The following MACC1 variants were observed in gnomAD, a reference collection of about 807,000 sequenced individuals.
The protein encoded by MACC1 is MET transcriptional regulator MACC1, also known as metastasis-associated in colon cancer protein 1.
In MACC1, 79 loss-of-function variants were observed where a neutral mutation model predicts 70.7. The ratio of observed to expected loss-of-function variants is 1.12; its 90% CI spans 0.93 to 1.35. The LOEUF (loss-of-function observed/expected upper bound fraction) is 1.35, where lower values mean the gene tolerates loss of function less well. Among genes scored for constraint, MACC1 ranks in the 40% most tolerant of loss-of-function variants. The pLI is 0.00. For synonymous variants in MACC1, 361 were observed against 347.2 expected (o/e 1.04, Z -0.44); for missense variants, 1,106 against 978.1 (o/e 1.13, Z -1.74).
chr7:20,185,952 C>T (rs897542290), intron 1 of MACC1, among the ~76,000 whole-genome samples: 2 of 152,186 alleles, frequency 1.3e-5, no homozygotes, highest in African/African-American at 4.8e-5. Context: ...AAGATTCTTG[C>T]CCCAGGGTCC....
At position 20,139,905 on chromosome 7, in the gene MACC1, C is replaced by T. The variant is rs946284423; in HGVS notation, c.*1041G>A. 3 of 151,702 alleles carry T rather than the reference C, an allele frequency of 2.0e-5. No individual in the cohort carries two copies. The highest frequency in any genetic ancestry group is 2.1e-4 in the South Asian group (1 of 4,806). 9.4% of individuals were successfully genotyped at this position (151,702 alleles called of 1,614,324 possible). On this transcript the variant is annotated 3_prime_UTR_variant, in exon 7 of 7. Transcript: ENST00000400331. The stretch of plus-strand genomic sequence containing the variant: ...GCCAACATAAAGATATCAGTGTTTT[C>T]GGTGGTTAAGACCTCTCTACTCAAC...
chr7:20,159,990 T>G lies in MACC1; in HGVS notation c.371A>C (p.Gln124Pro), dbSNP rs1441303166. The stretch of plus-strand genomic sequence containing the variant: ...TCTTGAGGAAGTCTGCCTAAGTAAC[T>G]GATGCACATCAAGTTCATCACCGGA... Reference protein sequence around the residue: ...DSSGDELDVHQLLRQTSSRNS... With the variant: ...DSSGDELDVHPLLRQTSSRNS... Residue 124 changes from glutamine to proline, a missense_variant, in exon 5 of 7, where the codon CAG (glutamine) becomes CCG (proline). Gln to Pro is a moderately conservative substitution (Grantham distance 76). Coordinates refer to ENST00000400331, the MANE Select transcript of MACC1 (RefSeq NM_182762.4). 2 of 1,614,068 alleles carry G rather than the reference T, an allele frequency of 1.2e-6. No homozygotes were observed. Among genetic ancestry groups the G allele is most frequent in the South Asian group, 1.1e-5 (1 of 91,068 alleles).
At chr7:20,176,637 C>T (rs986222172) in intron 1 of MACC1, among the ~76,000 whole-genome samples, 1 of 152,074 alleles carries the variant, frequency 6.6e-6, no homozygotes, top group Non-Finnish European at 1.5e-5. Context: ...TTGTTTATAG[C>T]AGCTTAGTAT....
intron 5 of MACC1, among the ~76,000 whole-genome samples, chr7:20,157,424 G>T (rs1039487803): frequency 1.4e-4 from 22 of 151,774 alleles, no homozygotes; most frequent in African/African-American, 5.1e-4. Flanking sequence ...TAATATTATT[G>T]TTTAGGCTGT....
At position 20,154,323 on chromosome 7, in the gene MACC1, A is replaced by G. The variant is rs1396522139; in HGVS notation, c.2216T>C (p.Val739Ala). 1.2e-6 allele frequency: 2 copies of G among 1,613,964 alleles called. No homozygotes were observed. Among genetic ancestry groups the G allele is most frequent in the Non-Finnish European group, 1.7e-6 (2 of 1,179,932 alleles). Residue 739 changes from valine (V) to alanine (A), a missense_variant, in exon 6 of 7, where the codon GTT becomes GCT. Transcript: ENST00000400331. ...TCCAAGCTTGACAGCTGAAGTCAGA[A>G]CAGCAGCTTCTTGGATGAGACGTGC... ...LVARLIQEAA[V>A]LTSAVKLGKG... is the part of the protein sequence containing the mutation.
rs528583275 is a variant in MACC1 at position 20,147,265 on chromosome 7, A to T, written c.2347-6107T>A. On this transcript the variant is annotated intron_variant, in intron 6 of 6. Transcript: ENST00000400331. Reference sequence around the variant, plus strand: ...GCACTAGAAAATGAAATGCCACATGAGTAGAAGAAATTCAGATTTCAGCAT... The same window carrying T: ...GCACTAGAAAATGAAATGCCACATGTGTAGAAGAAATTCAGATTTCAGCAT... Among the ~76,000 whole-genome samples the T allele has an allele frequency of 5.3e-5, 8 of 152,356 alleles. No homozygotes were observed. In the South Asian group the frequency reaches 6.2e-4, roughly 12 times the overall value.
At chr7:20,196,503 T>C (rs897422751) in intron 1 of MACC1, among the ~76,000 whole-genome samples, 2 of 152,108 alleles carry the variant, frequency 1.3e-5, no homozygotes, top group Non-Finnish European at 2.9e-5. Flanking sequence ...ATTGACTATA[T>C]ACTTTTGTAA....
intron 1 of MACC1, among the ~76,000 whole-genome samples, chr7:20,182,995 C>T (rs975743855): frequency 6.6e-6 from 1 of 152,056 alleles, no homozygotes; most frequent in African/African-American, 2.4e-5. Context: ...AGTGGGGTAG[C>T]CTGAATTCTA....
chr7:20,149,284 A>G (rs1006672306), intron 6 of MACC1, among the ~76,000 whole-genome samples: 16 of 152,168 alleles, frequency 1.1e-4, no homozygotes, highest in Non-Finnish European at 2.4e-4. Context: ...CTAAAAAAAC[A>G]GTGTATTTTA....
rs199756051 is a variant in MACC1, at chr7:20,159,077, G to C, written c.1284C>G (p.Asp428Glu). ...TAGAAATACTTAAATCTTGTGGCTT[G>C]TCAAGTAAAAATGACTGCTTCCCCC... ...QLWGKQSFLL[D>E]KPQDLSISIF... The change falls in exon 5 of 7, where the codon GAC becomes GAG. Residue 428 changes from aspartate to glutamate, a missense_variant. By Grantham distance (45) the Asp-to-Glu change is conservative. Transcript: ENST00000400331. 1 of 1,572,624 alleles carries C rather than the reference G, an allele frequency of 6.4e-7. No individual in the cohort carries two copies. Among genetic ancestry groups the C allele is most frequent in the Non-Finnish European group, 8.6e-7 (1 of 1,163,650 alleles).
intron 1 of MACC1, among the ~76,000 whole-genome samples, chr7:20,187,758 A>T (rs1782611006): frequency 2.0e-5 from 3 of 152,050 alleles, no homozygotes; most frequent in Admixed American, 6.6e-5. Context: ...ATGCAACTTT[A>T]TGTTTCTGGT....
rs758236188 is a variant in MACC1, at chr7:20,159,956, T to C, written c.405A>G (p.Gly135=). ...GAAGTTCTGAAACACTTTTAGATCTTCCAGAATTTCTTGAGGAAGTCTGCC... is the reference window on the plus strand; with the variant it reads ...GAAGTTCTGAAACACTTTTAGATCTCCCAGAATTTCTTGAGGAAGTCTGCC... ...LLRQTSSRNS[G]RSKSVSELLD... Residue 135 remains glycine, a synonymous_variant, in exon 5 of 7, where the codon GGA becomes GGG. Transcript: ENST00000400331. 14 of 1,614,152 alleles carry C rather than the reference T, an allele frequency of 8.7e-6. No individual in the cohort carries two copies. Among genetic ancestry groups the C allele is most frequent in the Non-Finnish European group, 1.1e-5 (13 of 1,180,022 alleles).
intron 6 of MACC1, among the ~76,000 whole-genome samples, chr7:20,141,618 G>A (rs979752634): frequency 2.4e-4 from 37 of 151,984 alleles, no homozygotes; most frequent in African/African-American, 8.2e-4. Context: ...TATTTTACTC[G>A]AGCAAGTCTA....
At chr7:20,198,671 CT>C (rs1437408033) in intron 1 of MACC1, 27 of 152,286 alleles carry the variant, frequency 1.8e-4, no homozygotes, top group African/African-American at 6.0e-4. Flanking sequence ...CTGTCGCTTT[CT>C]AACAAGGCAA....
At chr7:20,207,891 A>G (rs1298209929) in intron 1 of MACC1, among the ~76,000 whole-genome samples, 2 of 152,192 alleles carry the variant, frequency 1.3e-5, no homozygotes, top group Non-Finnish European at 2.9e-5. Context: ...CTCATCTTGA[A>G]TTGTAATCCC....
In MACC1 at chr7:20,187,597, C is replaced by A. The variant is rs544030391; in HGVS notation, c.-217-16819G>T. Among the ~76,000 whole-genome samples, 4 of 152,294 alleles carry A rather than the reference C, an allele frequency of 2.6e-5. No homozygotes were observed. In the South Asian group the frequency reaches 8.3e-4, roughly 32 times the overall value. On this transcript the variant is annotated intron_variant, in intron 1 of 6. Transcript: ENST00000400331. ...TTTCTTTGACTAGCTAATGGAACTA[C>A]ACTTAAGACCTTGGTGAAATTGAAC...
At chr7:20,166,680 G>T (rs1676041591) in intron 2 of MACC1, among the ~76,000 whole-genome samples, 1 of 152,188 alleles carries the variant, frequency 6.6e-6, no homozygotes, top group Admixed American at 6.5e-5. Context: ...AGGCCTCCCA[G>T]TGCATTAAGC....
chr7:20,160,194 C>G lies in MACC1; in HGVS notation c.167G>C (p.Arg56Pro). ...TGCAACTTTGGAAGCATTATTACCA[C>G]GAAGGGTGAAAGCATCCGGCCAATT... ...LHNWPDAFTL[R>P]GNNASKVANP... Residue 56 changes from arginine (R) to proline (P), a missense_variant, in exon 5 of 7, where the codon CGT (arginine) becomes CCT (proline). Coordinates refer to ENST00000400331, the MANE Select transcript of MACC1 (RefSeq NM_182762.4). 1 of 1,602,918 alleles carries G rather than the reference C, an allele frequency of 6.2e-7. No individual in the cohort carries two copies. The highest frequency in any genetic ancestry group is 8.5e-7 in the Non-Finnish European group (1 of 1,176,676).
intron 1 of MACC1, among the ~76,000 whole-genome samples, chr7:20,176,274 A>T (rs1383439195): frequency 6.6e-6 from 1 of 152,128 alleles, no homozygotes; most frequent in Non-Finnish European, 1.5e-5. Flanking sequence ...AATCTTCATC[A>T]ATTATACCTC....
Sources: allele counts gnomAD v4.1 joint callset (sites outside exome capture counted in the v4.1 genomes callset), GRCh38; gene constraint gnomAD v4.1.1; transcripts MANE v1.5; gene names NCBI Gene and HGNC (gene_info 2026-07-23, HGNC 2026-07-21).